Variants in TSHR observed in about 807,000 individuals in gnomAD.
TSHR encodes the protein thyroid stimulating hormone receptor, also known as thyrotropin receptor.
In TSHR, 51 loss-of-function variants were observed where a neutral mutation model predicts 64.1. The observed-to-expected ratio is 0.80, with a 90% confidence interval of 0.64 to 1.01. The LOEUF (loss-of-function observed/expected upper bound fraction) is 1.01, where lower values mean the gene tolerates loss of function less well. Ranked by LOEUF, TSHR falls within the 50% of genes least tolerant of loss-of-function variation. The pLI, the probability that TSHR is intolerant of heterozygous loss-of-function variation, is 0.00. For missense variants in TSHR, 877 were observed against 942.8 expected (o/e 0.93, Z 0.91); for synonymous variants, 361 against 361.9 (o/e 1.00, Z 0.03).
At chr14:80,991,471 G>C in intron 1 of TSHR, 1 of 395,710 alleles carries the variant, frequency 2.5e-6, no homozygotes. Flanking sequence ...AGCAATTAAT[G>C]GTGACATGTC....
intron 1 of TSHR, among the ~76,000 whole-genome samples, chr14:80,966,803 G>A (rs928771028): frequency 1.3e-5 from 2 of 152,118 alleles, no homozygotes; most frequent in African/African-American, 4.8e-5. Flanking sequence ...TCTGGAGACT[G>A]GAAGTCCAAG....
intron 1 of TSHR, among the ~76,000 whole-genome samples, chr14:81,025,271 T>A (rs1204997377): frequency 6.6e-6 from 1 of 152,208 alleles, no homozygotes; most frequent in Non-Finnish European, 1.5e-5. Flanking sequence ...AGCTTTTTTC[T>A]TAATTTCTTT....
chr14:81,079,303 T>C (rs180873970), intron 3 of TSHR, among the ~76,000 whole-genome samples: 267 of 152,326 alleles, frequency 1.8e-3, no homozygotes, highest in Non-Finnish European at 3.3e-3. Flanking sequence ...CTAATAATAA[T>C]AGTGACCAAG....
intron 1 of TSHR, among the ~76,000 whole-genome samples, chr14:80,976,133 C>G (rs1040100013): frequency 6.6e-6 from 1 of 152,072 alleles, no homozygotes; most frequent in African/African-American, 2.4e-5. Context: ...GGATGGTCTC[C>G]ATCTCCTGAC....
In TSHR at chr14:81,108,371, C is replaced by A. The variant is rs1434044582; in HGVS notation, c.615-4C>A. 3.1e-6 allele frequency: 5 copies of A among 1,610,052 alleles called. No homozygotes were observed. The highest frequency in any genetic ancestry group is 3.3e-5 in the Admixed American group (2 of 59,996). On this transcript the variant is annotated splice_polypyrimidine_tract_variant and splice_region_variant and intron_variant, in intron 7 of 9. Coordinates refer to ENST00000298171, the MANE Select transcript of TSHR (RefSeq NM_000369.5). ...TCTCTCTCTCTTTCTCTCTCTCCCT[C>A]TAGTTACCTAAACAAGAATAAATAC...
intron 1 of TSHR, among the ~76,000 whole-genome samples, chr14:81,042,780 A>C (rs1016308055): frequency 2.6e-5 from 4 of 152,126 alleles, no homozygotes; most frequent in African/African-American, 9.7e-5. Context: ...AATAGCTAGG[A>C]TAGAGTGTTT....
In TSHR at chr14:80,963,545, A is replaced by G. The variant is rs141929943; in HGVS notation, c.170+7695A>G. 2.0e-3 allele frequency among the ~76,000 whole-genome samples: 309 copies of G among 152,368 alleles called. 1 individual carries two copies. Among genetic ancestry groups the G allele is most frequent in the African/African-American group, 7.1e-3 (297 of 41,588 alleles). ...GACACAGGAGGCTTCAGTAATAAAG[A>G]CCCAAAGGAACAGAGAAAACTGTAT... On this transcript the variant is annotated intron_variant, in intron 1 of 9. Transcript: ENST00000298171.
intron 3 of TSHR, among the ~76,000 whole-genome samples, chr14:81,085,474 C>T (rs1005243656): frequency 6.6e-6 from 1 of 152,132 alleles, no homozygotes; most frequent in African/African-American, 2.4e-5. Flanking sequence ...ACATTTCCTT[C>T]TAGAAATCTT....
At chr14:81,044,710 A>C (rs1885093232) in intron 1 of TSHR, among the ~76,000 whole-genome samples, 1 of 151,796 alleles carries the variant, frequency 6.6e-6, no homozygotes, top group Non-Finnish European at 1.5e-5. Context: ...ACCATCTTAC[A>C]CCAGTTCAGA....
Position 81,002,320 on chromosome 14 carries a change from T to C in TSHR, c.170+46470T>C, listed in dbSNP as rs553908337. Among the ~76,000 whole-genome samples, 16 of 152,274 alleles carry C rather than the reference T, an allele frequency of 1.1e-4. 2 individuals carry two copies. In the South Asian group the frequency reaches 3.1e-3, roughly 30 times the overall value. ...GCTAAGTGTAAAAGAGTATAGACTC[T>C]GGTAACCCAAGCTGAATTCAAATCC... On this transcript the variant is annotated intron_variant, in intron 1 of 9. Transcript: ENST00000298171.
At chr14:81,068,573 T>G (rs920660377) in intron 3 of TSHR, 2 of 477,266 alleles carry the variant, frequency 4.2e-6, no homozygotes, top group African/African-American at 2.0e-5. Context: ...ATCTGTTCTA[T>G]TACTACTGTG....
chr14:81,090,787 G>A (rs1407482120), intron 4 of TSHR, among the ~76,000 whole-genome samples: 1 of 152,038 alleles, frequency 6.6e-6, no homozygotes, highest in Non-Finnish European at 1.5e-5. Context: ...TATATTTCTA[G>A]TAAACCCACT....
intron 1 of TSHR, among the ~76,000 whole-genome samples, chr14:81,006,915 A>G (rs73349945): frequency 0.039 from 5,903 of 152,272 alleles, 372 homozygotes; most frequent in African/African-American, 0.14. Flanking sequence ...AATGCTTTAC[A>G]TTAGTATATT....
chr14:81,101,598 C>G (rs1340153960), intron 7 of TSHR, among the ~76,000 whole-genome samples: 1 of 152,102 alleles, frequency 6.6e-6, no homozygotes, highest in Non-Finnish European at 1.5e-5. Flanking sequence ...CCAATTATTC[C>G]AGTTCAAGGT....
chr14:81,043,748 T>C (rs369661364), intron 1 of TSHR, among the ~76,000 whole-genome samples: 47 of 152,076 alleles, frequency 3.1e-4, no homozygotes, highest in African/African-American at 1.1e-3. Flanking sequence ...CATAGACCAA[T>C]GGAACAGAAA....
intron 1 of TSHR, among the ~76,000 whole-genome samples, chr14:80,969,269 T>C (rs1887472731): frequency 6.6e-6 from 1 of 152,154 alleles, no homozygotes; most frequent in African/African-American, 2.4e-5. Flanking sequence ...GTGGATATAG[T>C]GTTCATATGC....
rs1889725775 is a variant in TSHR at position 81,103,723 on chromosome 14, T to C, written c.615-4652T>C. The C allele has an allele frequency of 1.0e-6, 1 of 985,374 alleles. No individual in the cohort carries two copies. The highest frequency in any genetic ancestry group is 1.7e-5 in the African/African-American group (1 of 57,258). The allele number at this position is 985,374 out of a possible 1,614,324, so 61.0% of individuals were successfully genotyped here. ...AGTTGAACTGTACTTGGTCACAAGT[T>C]AAGTCACACATTCATTGTTTGGAAT... On this transcript the variant is annotated intron_variant, in intron 7 of 9. Coordinates refer to ENST00000298171, the MANE Select transcript of TSHR (RefSeq NM_000369.5). This position sits in a 1 kb window ranked among gnomAD's most constrained non-coding sequence, Gnocchi z 4.1.
intron 1 of TSHR, among the ~76,000 whole-genome samples, chr14:80,988,464 T>G (rs1278849263): frequency 6.6e-6 from 1 of 151,914 alleles, no homozygotes; most frequent in African/African-American, 2.4e-5. Flanking sequence ...GCAGGGGAGA[T>G]CTACCCACCA....
chr14:81,005,045 C>A (rs1256678517), intron 1 of TSHR, among the ~76,000 whole-genome samples: 1 of 152,180 alleles, frequency 6.6e-6, no homozygotes, highest in African/African-American at 2.4e-5. Context: ...CAATATGCAG[C>A]AGAGCCTAGA....
Sources: allele counts gnomAD v4.1 joint callset (sites outside exome capture counted in the v4.1 genomes callset), GRCh38; gene constraint gnomAD v4.1.1; non-coding constraint Gnocchi (gnomAD v3.1); transcripts MANE v1.5; gene names NCBI Gene and HGNC (gene_info 2026-07-23, HGNC 2026-07-21).